HDAC9: variants seen among roughly 807,000 people sequenced by gnomAD.
The protein encoded by HDAC9 is MEF-2 interacting transcription repressor (MITR) protein.
Under a neutral mutation model 139.4 loss-of-function variants are expected in HDAC9, and 41 were observed. That is an observed-to-expected ratio of 0.29 (90% confidence interval 0.23 to 0.38). The LOEUF (loss-of-function observed/expected upper bound fraction) is 0.38, where lower values mean the gene tolerates loss of function less well. HDAC9 is among the 10% of genes least tolerant of loss of function. The pLI is 1.00. For missense variants in HDAC9, 1,147 were observed against 1,297.0 expected (o/e 0.88, Z 1.78); for synonymous variants, 517 against 476.2 (o/e 1.09, Z -1.12).
At chr7:18,454,552 A>G (rs1352592993) in intron 1 of HDAC9, among the ~76,000 whole-genome samples, 1 of 152,070 alleles carries the variant, frequency 6.6e-6, no homozygotes, top group Non-Finnish European at 1.5e-5. Context: ...ATGTTAGAGT[A>G]AGCTCAACAT....
At chr7:18,967,496 G>GCC (rs144020619) in intron 24 of HDAC9, among the ~76,000 whole-genome samples, 1,762 of 104,616 alleles carry the variant, frequency 0.017, 58 homozygotes, top group African/African-American at 0.052. Context: ...AAATAAAGTT[G>GCC]CCCCCCCCCC....
intron 1 of HDAC9, among the ~76,000 whole-genome samples, chr7:18,093,258 G>A (rs1200528904): frequency 1.3e-5 from 2 of 152,194 alleles, no homozygotes; most frequent in South Asian, 2.1e-4. Context: ...GCCAAGGGTC[G>A]TTCAGCTAGG....
chr7:18,177,663 C>G (rs1187599656), intron 2 of HDAC9, among the ~76,000 whole-genome samples: 1 of 152,188 alleles, frequency 6.6e-6, no homozygotes, highest in Non-Finnish European at 1.5e-5. Context: ...AGTTCTGGAA[C>G]TTACCTTAGT....
At chr7:18,598,259 C>T (rs999934279) in intron 6 of HDAC9, among the ~76,000 whole-genome samples, 3 of 152,110 alleles carry the variant, frequency 2.0e-5, no homozygotes, top group African/African-American at 7.2e-5. Flanking sequence ...ACGATATTTG[C>T]TCAAAATCTT....
intron 1 of HDAC9, among the ~76,000 whole-genome samples, chr7:18,124,449 TAATG>T (rs1188141924): frequency 6.6e-6 from 1 of 152,218 alleles, no homozygotes; most frequent in Non-Finnish European, 1.5e-5. Flanking sequence ...CAACAAATGT[TAATG>T]AAGCACTTAC....
intron 17 of HDAC9, among the ~76,000 whole-genome samples, chr7:18,816,637 G>A (rs1794581189): frequency 6.6e-6 from 1 of 152,198 alleles, no homozygotes; most frequent in South Asian, 2.1e-4. Flanking sequence ...TTCTCTCTCT[G>A]CTCCTAAATT....
At chr7:18,204,997 TTA>T (rs999523235) in intron 2 of HDAC9, among the ~76,000 whole-genome samples, 22 of 152,090 alleles carry the variant, frequency 1.4e-4, no homozygotes, top group African/African-American at 4.8e-4. Flanking sequence ...GTGAACTAAT[TTA>T]TATGTGTGTG....
chr7:18,648,432 G>GTA (rs374672770), intron 10 of HDAC9, 34 bp from the exon 11 acceptor site: 7 of 1,380,802 alleles, frequency 5.1e-6, no homozygotes, highest in South Asian at 2.3e-5. Context: ...GTGTGTGTGT[G>GTA]TATACACACA....
chr7:18,154,220 G>A (rs1004244774), intron 1 of HDAC9, among the ~76,000 whole-genome samples: 8 of 151,654 alleles, frequency 5.3e-5, no homozygotes, highest in East Asian at 3.9e-4. Flanking sequence ...TAGCTAACAC[G>A]AGTGAAAGAT....
chr7:18,821,525 T>C (rs1024097200), intron 17 of HDAC9, among the ~76,000 whole-genome samples: 5 of 152,116 alleles, frequency 3.3e-5, no homozygotes, highest in African/African-American at 9.7e-5. Context: ...TGAATGGTGA[T>C]ACAAAATAAA....
chr7:18,550,411 G>A (rs1816737150), intron 2 of HDAC9, among the ~76,000 whole-genome samples: 1 of 152,158 alleles, frequency 6.6e-6, no homozygotes, highest in Admixed American at 6.5e-5. Flanking sequence ...TGTGGCAGGT[G>A]TTAGTCTATG....
At chr7:18,122,378 C>A (rs17663215) in intron 1 of HDAC9, among the ~76,000 whole-genome samples, 2,974 of 152,176 alleles carry the variant, frequency 0.02, 43 homozygotes, top group Non-Finnish European at 0.03. Flanking sequence ...TCAGACACAG[C>A]GCTGGGAAAT....
chr7:18,484,123 G>C (rs1795790122), intron 1 of HDAC9, among the ~76,000 whole-genome samples: 1 of 149,424 alleles, frequency 6.7e-6, no homozygotes, highest in African/African-American at 2.5e-5. Context: ...TGGGAGGATT[G>C]CTTGAGCCAA....
intron 1 of HDAC9, among the ~76,000 whole-genome samples, chr7:18,103,225 C>T (rs1319415639): frequency 6.6e-6 from 1 of 152,204 alleles, no homozygotes; most frequent in African/African-American, 2.4e-5. Flanking sequence ...ATTCAATTAT[C>T]TCCACCTGGC....
chr7:18,924,158 A>G (rs1464389184), intron 22 of HDAC9, among the ~76,000 whole-genome samples: 1 of 152,054 alleles, frequency 6.6e-6, no homozygotes, highest in East Asian at 1.9e-4. Flanking sequence ...AACTATCCTA[A>G]CTATCCTATT....
chr7:18,090,171 T>C (rs562064402), intron 1 of HDAC9, among the ~76,000 whole-genome samples: 3 of 152,330 alleles, frequency 2.0e-5, no homozygotes, highest in East Asian at 1.9e-4. Context: ...TACACTGATA[T>C]ACCCAACGTT....
chr7:18,470,323 A>C (rs1794627175), intron 1 of HDAC9, among the ~76,000 whole-genome samples: 1 of 152,138 alleles, frequency 6.6e-6, no homozygotes, highest in Non-Finnish European at 1.5e-5. Flanking sequence ...CTTAAAAAAA[A>C]AAAGAAGCCA....
intron 12 of HDAC9, among the ~76,000 whole-genome samples, chr7:18,688,437 G>A (rs779891296): frequency 1.3e-5 from 2 of 151,794 alleles, no homozygotes; most frequent in Non-Finnish European, 2.9e-5. Context: ...TCCAATTCCA[G>A]TGACATTTTC....
At chr7:18,899,770 G>A (rs62448102) in intron 22 of HDAC9, among the ~76,000 whole-genome samples, 30,193 of 151,774 alleles carry the variant, frequency 0.2, 3,319 homozygotes, top group East Asian at 0.38. Context: ...AGCCCTAGTA[G>A]TATGGATAAA....
Sources: gnomAD v4.1 joint callset for allele counts (sites outside exome capture counted in the v4.1 genomes callset) on GRCh38, gnomAD v4.1.1 for gene constraint, MANE v1.5 for transcripts, NCBI Gene and HGNC (gene_info 2026-07-23, HGNC 2026-07-21) for gene names.